Variants in ERBB4 observed in about 807,000 individuals in gnomAD.
ERBB4 encodes the protein erb-b2 receptor tyrosine kinase 4.
ERBB4 carries 42 observed loss-of-function variants against 158.0 expected under a neutral mutation model. The ratio of observed to expected loss-of-function variants is 0.27; its 90% CI spans 0.21 to 0.34. The LOEUF is 0.34. Ranked by LOEUF, ERBB4 falls within the 10% of genes least tolerant of loss-of-function variation. The pLI, the probability that ERBB4 is intolerant of heterozygous loss-of-function variation, is 1.00. For synonymous variants in ERBB4, 583 were observed against 558.7 expected (o/e 1.04, Z -0.61); for missense variants, 1,333 against 1,624.1 (o/e 0.82, Z 3.08).
intron 20 of ERBB4, among the ~76,000 whole-genome samples, chr2:211,445,827 C>A (rs943877026): frequency 6.6e-6 from 1 of 152,060 alleles, no homozygotes; most frequent in Non-Finnish European, 1.5e-5. Context: ...CCTCCACCCC[C>A]AGAGAATTGA....
intron 3 of ERBB4, among the ~76,000 whole-genome samples, chr2:211,878,095 G>A (rs193081630): frequency 1.3e-5 from 2 of 152,294 alleles, no homozygotes; most frequent in Admixed American, 6.5e-5. Flanking sequence ...GGAACAGAGC[G>A]AGACGCCATC....
At chr2:211,925,672 G>A (rs1174143915) in intron 3 of ERBB4, among the ~76,000 whole-genome samples, 1 of 151,976 alleles carries the variant, frequency 6.6e-6, no homozygotes, top group Non-Finnish European at 1.5e-5. Context: ...GAGCCACCAC[G>A]CCCAGCTGTA....
intron 1 of ERBB4, among the ~76,000 whole-genome samples, chr2:212,182,134 T>C (rs1445040583): frequency 2.0e-5 from 3 of 151,820 alleles, no homozygotes; most frequent in African/African-American, 7.2e-5. Context: ...TTTCACTACA[T>C]GCCAGGAATG....
chr2:212,134,868 G>C (rs182034348), intron 1 of ERBB4, among the ~76,000 whole-genome samples: 16 of 151,820 alleles, frequency 1.1e-4, no homozygotes, highest in African/African-American at 3.6e-4. Flanking sequence ...TGTATTTTTA[G>C]TAGGGATGGG....
At chr2:212,377,647 A>G (rs2090369990) in intron 1 of ERBB4, among the ~76,000 whole-genome samples, 1 of 151,890 alleles carries the variant, frequency 6.6e-6, no homozygotes, top group South Asian at 2.1e-4. Context: ...AGGTGAGTCA[A>G]TGGATGGGTG....
chr2:211,664,311 T>A (rs72945016), intron 15 of ERBB4, among the ~76,000 whole-genome samples: 14,006 of 151,112 alleles, frequency 0.093, 772 homozygotes, highest in Non-Finnish European at 0.11. Flanking sequence ...GTACCCAAGC[T>A]GATTCTCAAC....
At chr2:211,971,498 T>C (rs554345997) in intron 2 of ERBB4, among the ~76,000 whole-genome samples, 1 of 152,134 alleles carries the variant, frequency 6.6e-6, no homozygotes, top group Admixed American at 6.5e-5. Flanking sequence ...CTGGTACCAT[T>C]CCTACTGAAA....
chr2:212,192,062 ATG>A lies in ERBB4; in HGVS notation c.83-67161_83-67160del, dbSNP rs1294335587. ...GTTATATATATGTTATATGTTATATATGTTATATGTTATATATATTATATATA... is the reference window on the plus strand; with the variant it reads ...GTTATATATATGTTATATGTTATATATTATATGTTATATATATTATATATA... On this transcript the variant is annotated intron_variant, in intron 1 of 27. Coordinates refer to ENST00000342788, the MANE Select transcript of ERBB4 (RefSeq NM_005235.3). Among the ~76,000 whole-genome samples the A allele has an allele frequency of 1.8e-3, 223 of 124,962 alleles. 6 individuals carry two copies. Among genetic ancestry groups the A allele is most frequent in the Admixed American group, 1.8e-3 (21 of 11,418 alleles). The allele number at this position is 124,962 out of a possible 152,430, so 82.0% of individuals were successfully genotyped here. A position where few individuals can be genotyped will look rare whatever the true frequency, so the allele number is the denominator to read the frequency against.
chr2:211,772,810 T>G (rs1233039309), intron 4 of ERBB4, among the ~76,000 whole-genome samples: 4 of 9,222 alleles, frequency 4.3e-4, no homozygotes, highest in Non-Finnish European at 6.2e-4. Flanking sequence ...CATACTGGGA[T>G]ATATATATAT....
rs1157719436 is a variant in ERBB4, at chr2:212,489,496, A to G, written c.82+48953T>C. ...AACATTCCATGGGATATTCTTCCTC[A>G]AGTCCATTAAATCAGAAATGAAGTA... is the stretch of plus-strand genomic sequence containing the variant. On this transcript the variant is annotated intron_variant, in intron 1 of 27. Coordinates refer to ENST00000342788, the MANE Select transcript of ERBB4 (RefSeq NM_005235.3). Among the ~76,000 whole-genome samples the G allele has an allele frequency of 3.3e-5, 5 of 151,960 alleles. No homozygotes were observed. The East Asian group carries it at 9.6e-4, about 29-fold the overall frequency.
At chr2:212,005,902 T>C (rs2076248050) in intron 2 of ERBB4, among the ~76,000 whole-genome samples, 1 of 152,028 alleles carries the variant, frequency 6.6e-6, no homozygotes, top group African/African-American at 2.4e-5. Flanking sequence ...CAAGGCAACA[T>C]AGCAAGTCCT....
chr2:211,791,452 G>A (rs1017061501), intron 3 of ERBB4, among the ~76,000 whole-genome samples: 2 of 151,798 alleles, frequency 1.3e-5, no homozygotes, highest in African/African-American at 2.4e-5. Flanking sequence ...GATAGGCAAA[G>A]GAGGCACACA....
intron 1 of ERBB4, among the ~76,000 whole-genome samples, chr2:212,157,037 T>C (rs2081054811): frequency 6.6e-6 from 1 of 152,094 alleles, no homozygotes; most frequent in African/African-American, 2.4e-5. Flanking sequence ...TGTCTTGATG[T>C]CATTCCCCTG....
At chr2:212,153,767 C>G (rs2080945780) in intron 1 of ERBB4, among the ~76,000 whole-genome samples, 1 of 152,126 alleles carries the variant, frequency 6.6e-6, no homozygotes, top group South Asian at 2.1e-4. Flanking sequence ...TTTTGTGGCA[C>G]TTTCTAGTTC....
chr2:211,449,479 G>T (rs188524559), intron 20 of ERBB4, among the ~76,000 whole-genome samples: 1 of 152,218 alleles, frequency 6.6e-6, no homozygotes, highest in East Asian at 1.9e-4. Context: ...TGTGCTAATT[G>T]TTCTTTTCTG....
intron 1 of ERBB4, among the ~76,000 whole-genome samples, chr2:212,225,046 T>G (rs369385021): frequency 2.6e-5 from 4 of 152,068 alleles, no homozygotes; most frequent in East Asian, 3.9e-4. Flanking sequence ...TAGCTCTATA[T>G]TTGCTATATG....
At chr2:212,407,405 A>T (rs1409083869) in intron 1 of ERBB4, among the ~76,000 whole-genome samples, 2 of 152,048 alleles carry the variant, frequency 1.3e-5, no homozygotes, top group Non-Finnish European at 2.9e-5. Flanking sequence ...AACTAACATT[A>T]TTCCTATTTT....
At chr2:212,355,228 T>C (rs1450589408) in intron 1 of ERBB4, among the ~76,000 whole-genome samples, 1 of 152,102 alleles carries the variant, frequency 6.6e-6, no homozygotes, top group East Asian at 1.9e-4. Context: ...TAACTAAGAC[T>C]ACTACATCTT....
chr2:211,964,441 G>A lies in ERBB4; in HGVS notation c.235-16825C>T, dbSNP rs555732314. Among the ~76,000 whole-genome samples the A allele has an allele frequency of 1.1e-4, 17 of 152,142 alleles. No homozygotes were observed. The South Asian group carries it at 3.3e-3, about 30-fold the overall frequency. ...TACGTTAAACTAGAAAATGTATTGT[G>A]GTTTTAAGTTCATGAACTACAAGAA... On this transcript the variant is annotated intron_variant, in intron 2 of 27. Coordinates refer to ENST00000342788, the MANE Select transcript of ERBB4 (RefSeq NM_005235.3).
Sources: allele counts gnomAD v4.1 joint callset (sites outside exome capture counted in the v4.1 genomes callset), GRCh38; gene constraint gnomAD v4.1.1; transcripts MANE v1.5; gene names NCBI Gene and HGNC (gene_info 2026-07-23, HGNC 2026-07-21).